LMAN2L: variants seen among roughly 807,000 people sequenced by gnomAD.
The protein encoded by LMAN2L is VIP36-like protein.
LMAN2L carries 30 observed loss-of-function variants against 44.3 expected under a neutral mutation model. The observed-to-expected ratio is 0.68, with a 90% CI of 0.51 to 0.92. LMAN2L has a LOEUF of 0.92. Among genes scored for constraint, LMAN2L ranks in the 40% least tolerant of loss-of-function variants. The pLI, the probability that LMAN2L is intolerant of heterozygous loss-of-function variation, is 0.00. For missense variants in LMAN2L, 429 were observed against 446.1 expected (o/e 0.96, Z 0.35); for synonymous variants, 183 against 171.1 (o/e 1.07, Z -0.54).
At chr2:96,731,980 T>A (rs1190935616) in intron 4 of LMAN2L, among the ~76,000 whole-genome samples, 2 of 151,916 alleles carry the variant, frequency 1.3e-5, no homozygotes, top group Non-Finnish European at 2.9e-5. Flanking sequence ...CCCAAGTAGC[T>A]GGGACTACAG....
chr2:96,734,935 A>G (rs752310396), intron 2 of LMAN2L, among the ~76,000 whole-genome samples: 10 of 152,230 alleles, frequency 6.6e-5, no homozygotes, highest in Non-Finnish European at 1.0e-4. Flanking sequence ...AGACTCTGAA[A>G]AGCTGGATTT....
chr2:96,713,118 G>C, intron 4 of LMAN2L: 1 of 1,551,418 alleles, frequency 6.4e-7, no homozygotes, highest in Non-Finnish European at 8.7e-7. Context: ...TGGACTCCTG[G>C]AGAATATCGC....
chr2:96,729,584 C>T (rs1170014335), intron 4 of LMAN2L, among the ~76,000 whole-genome samples: 1 of 151,834 alleles, frequency 6.6e-6, no homozygotes, highest in Non-Finnish European at 1.5e-5. Flanking sequence ...TCTTGGCTCA[C>T]TGCAACCTCC....
In LMAN2L at chr2:96,733,715, T is replaced by C. The variant is rs891586429; in HGVS notation, c.425-114A>G. ...AATTCAAATGACTCCCAAGCCTCTCTCAAGATGAGAAAACACATGTTTAAA... is the reference window on the plus strand; with the variant it reads ...AATTCAAATGACTCCCAAGCCTCTCCCAAGATGAGAAAACACATGTTTAAA... On this transcript the variant is annotated intron_variant, in intron 3 of 7. Coordinates refer to ENST00000264963, the MANE Select transcript of LMAN2L (RefSeq NM_030805.4). 9 of 800,912 alleles carry C rather than the reference T, an allele frequency of 1.1e-5. No individual in the cohort carries two copies. The African/African-American group carries it at 1.2e-4, about 11-fold the overall frequency. 49.6% of individuals were successfully genotyped at this position (800,912 alleles called of 1,614,324 possible).
intron 1 of LMAN2L, among the ~76,000 whole-genome samples, chr2:96,739,446 ATCT>A (rs1246635705): frequency 6.6e-6 from 1 of 152,158 alleles, no homozygotes; most frequent in Non-Finnish European, 1.5e-5. Context: ...TAAATTTATC[ATCT>A]TCTCATTTCG....
chr2:96,724,957 A>G (rs2078237381), intron 4 of LMAN2L, among the ~76,000 whole-genome samples: 1 of 151,650 alleles, frequency 6.6e-6, no homozygotes, highest in Non-Finnish European at 1.5e-5. Context: ...TCAGCCTCCC[A>G]AGTAGCTAGG....
In LMAN2L at chr2:96,712,024, C is replaced by T. The variant is rs199783256; in HGVS notation, c.509G>A (p.Arg170Gln). 5.5e-5 allele frequency: 89 copies of T among 1,613,998 alleles called. No homozygotes were observed. The highest frequency in any genetic ancestry group is 7.0e-5 in the Non-Finnish European group (83 of 1,180,014). Reference sequence around the variant, plus strand: ...CATGGCTGAGATGTAGGGGAATACCCGCTGGAAAGCAGAGAGGGGGAAGCA... The same window carrying T: ...CATGGCTGAGATGTAGGGGAATACCTGCTGGAAAGCAGAGAGGGGGAAGCA... ...TYPNEEKQQE[R>Q]VFPYISAMVN... Residue 170 changes from arginine (R) to glutamine (Q), a missense_variant and splice_region_variant, in exon 5 of 8, where the codon CGG (arginine) becomes CAG (glutamine). By Grantham distance (43) the Arg-to-Gln change is conservative. Transcript: ENST00000264963.
chr2:96,721,108 C>CA (rs2078144514), intron 4 of LMAN2L, among the ~76,000 whole-genome samples: 1 of 151,976 alleles, frequency 6.6e-6, no homozygotes, highest in Non-Finnish European at 1.5e-5. Context: ...ATCTCATGCC[C>CA]ACTAGTAGTC....
At chr2:96,721,563 C>T (rs1337484982) in intron 4 of LMAN2L, among the ~76,000 whole-genome samples, 1 of 151,870 alleles carries the variant, frequency 6.6e-6, no homozygotes, top group Non-Finnish European at 1.5e-5. Context: ...AGTGCAGTGG[C>T]AATCATAGCT....
chr2:96,707,623 AC>A (rs2077812925), intron 7 of LMAN2L, 90 bp downstream of exon 7: 1 of 1,488,674 alleles, frequency 6.7e-7, no homozygotes, highest in Admixed American at 2.0e-5. Context: ...GAAGAAGAAC[AC>A]AGAGCAGAGA....
In LMAN2L at chr2:96,711,700, C is replaced by T. The variant is rs773649192; in HGVS notation, c.740G>A (p.Arg247His). 49 of 1,613,944 alleles carry T rather than the reference C, an allele frequency of 3.0e-5. No homozygotes were observed. The highest frequency in any genetic ancestry group is 5.5e-5 in the South Asian group (5 of 91,084). Residue 247 changes from arginine to histidine, a missense_variant, in exon 6 of 8, where the codon CGC (arginine) becomes CAC (histidine). By Grantham distance (29) the Arg-to-His change is conservative. Transcript: ENST00000264963. ...GGAGGAGGTGCCGAAGTAGTAGCCG[C>T]GGGGCAGGCGGACTCCGGGCACTTC... ...CIEVPGVRLPRGYYFGTSSIT... is the reference protein window; with the variant it reads ...CIEVPGVRLPHGYYFGTSSIT...
chr2:96,724,301 T>C lies in LMAN2L; in HGVS notation c.507+9218A>G, dbSNP rs2078222451. On this transcript the variant is annotated intron_variant, in intron 4 of 7. Transcript: ENST00000264963. ...CTGTTTGTCAAGATTATTTTGGTTA[T>C]TCTGAGTCCCTTGAATTTCCATATG... Among the ~76,000 whole-genome samples, 3 of 152,148 alleles carry C rather than the reference T, an allele frequency of 2.0e-5. No individual in the cohort carries two copies. The South Asian group carries it at 6.2e-4, about 32-fold the overall frequency.
chr2:96,737,048 A>G (rs575074077), intron 2 of LMAN2L: 1 of 409,046 alleles, frequency 2.4e-6, no homozygotes, highest in East Asian at 8.0e-5. Flanking sequence ...CAGAGAAAGT[A>G]TCAAAGGATG....
intron 4 of LMAN2L, among the ~76,000 whole-genome samples, chr2:96,729,654 G>A (rs968952939): frequency 1.3e-5 from 2 of 151,382 alleles, no homozygotes; most frequent in Admixed American, 6.6e-5. Flanking sequence ...GACTACAGGC[G>A]CCCGCCACCA....
chr2:96,736,187 G>A (rs2078512030), intron 2 of LMAN2L, among the ~76,000 whole-genome samples: 1 of 152,138 alleles, frequency 6.6e-6, no homozygotes, highest in South Asian at 2.1e-4. Context: ...TTTTGCTCAG[G>A]ACCATGTCTA....
intron 4 of LMAN2L, among the ~76,000 whole-genome samples, chr2:96,730,584 G>C (rs1024530194): frequency 6.6e-6 from 1 of 152,296 alleles, no homozygotes; most frequent in South Asian, 2.1e-4. Context: ...CCTAGGAACT[G>C]TGCAACATAA....
chr2:96,727,990 A>T (rs2153331332), intron 4 of LMAN2L, among the ~76,000 whole-genome samples: 1 of 152,358 alleles, frequency 6.6e-6, no homozygotes, highest in East Asian at 1.9e-4. Flanking sequence ...TAATACTATC[A>T]TCTACCCCAA....
chr2:96,735,522 A>C (rs2078494992), intron 2 of LMAN2L, among the ~76,000 whole-genome samples: 1 of 152,180 alleles, frequency 6.6e-6, no homozygotes. Flanking sequence ...CTGGATTCTT[A>C]TCTCTCTGCT....
chr2:96,735,347 C>T (rs1027594728), intron 2 of LMAN2L, among the ~76,000 whole-genome samples: 2 of 152,228 alleles, frequency 1.3e-5, no homozygotes, highest in Admixed American at 6.5e-5. Context: ...TTCTGGGCAA[C>T]TATTGCTAGA....
Sources: gnomAD v4.1 joint callset for allele counts (sites outside exome capture counted in the v4.1 genomes callset) on GRCh38, gnomAD v4.1.1 for gene constraint, MANE v1.5 for transcripts, NCBI Gene and HGNC (gene_info 2026-07-23, HGNC 2026-07-21) for gene names.